The following LRMDA variants were observed in gnomAD, a reference collection of about 807,000 sequenced individuals.
LRMDA encodes the protein leucine rich melanocyte differentiation associated.
LRMDA carries 18 observed loss-of-function variants against 29.8 expected under a neutral mutation model. The observed-to-expected ratio is 0.60, with a 90% CI of 0.42 to 0.90. LRMDA has a LOEUF of 0.90. Among genes scored for constraint, LRMDA ranks in the 40% least tolerant of loss-of-function variants. LRMDA has a pLI of 0.00. For synonymous variants in LRMDA, 125 were observed against 109.4 expected, an observed-to-expected ratio of 1.14 and a Z score of -0.89; for missense variants, 273 against 273.9, an observed-to-expected ratio of 1.00 and a Z score of 0.02.
intron 5 of LRMDA, among the ~76,000 whole-genome samples, chr10:76,081,557 A>T (rs957431744): frequency 4.6e-5 from 7 of 152,218 alleles, no homozygotes; most frequent in African/African-American, 1.7e-4. Context: ...GTTTTACGTA[A>T]CATGTTTATT....
At chr10:76,105,499 C>T (rs971237136) in intron 5 of LRMDA, among the ~76,000 whole-genome samples, 2 of 152,000 alleles carry the variant, frequency 1.3e-5, no homozygotes, top group East Asian at 1.9e-4. Flanking sequence ...TGTAAGCCCT[C>T]GATTCTAGGA....
chr10:76,476,867 C>T (rs1377506812), intron 6 of LRMDA, among the ~76,000 whole-genome samples: 1 of 152,124 alleles, frequency 6.6e-6, no homozygotes, highest in Non-Finnish European at 1.5e-5. Flanking sequence ...ATGCTAAAAA[C>T]TCTCAATAAA....
At chr10:76,472,206 A>G (rs1842625137) in intron 6 of LRMDA, among the ~76,000 whole-genome samples, 1 of 151,836 alleles carries the variant, frequency 6.6e-6, no homozygotes, top group South Asian at 2.1e-4. Context: ...TAACTGGGTA[A>G]ATCATGCAGA....
chr10:75,772,869 T>TG (rs1554824987), intron 2 of LRMDA, among the ~76,000 whole-genome samples: 18,950 of 49,492 alleles, frequency 0.38, 1,776 homozygotes, highest in East Asian at 0.49. Context: ...GGGGGTGGGA[T>TG]GGGGGGGGGC....
intron 2 of LRMDA, among the ~76,000 whole-genome samples, chr10:75,737,876 A>C (rs1842784706): frequency 6.6e-6 from 1 of 152,202 alleles, no homozygotes; most frequent in Admixed American, 6.5e-5. Flanking sequence ...GTGAGTTTTT[A>C]CAGGTTTCAC....
intron 5 of LRMDA, among the ~76,000 whole-genome samples, chr10:76,240,367 C>T (rs936630395): frequency 1.3e-5 from 2 of 148,194 alleles, no homozygotes; most frequent in Admixed American, 1.3e-4. Flanking sequence ...CATTCACCAC[C>T]TTACTCCCGC....
At chr10:75,845,672 T>A (rs1031932144) in intron 2 of LRMDA, among the ~76,000 whole-genome samples, 1 of 152,216 alleles carries the variant, frequency 6.6e-6, no homozygotes, top group Non-Finnish European at 1.5e-5. Context: ...CCATCAGCTC[T>A]TCTCTTATTT....
chr10:76,388,156 A>G (rs891809261), intron 6 of LRMDA, among the ~76,000 whole-genome samples: 7 of 152,170 alleles, frequency 4.6e-5, no homozygotes, highest in African/African-American at 1.7e-4. Flanking sequence ...GTATTATTGT[A>G]TTAAGTGCTT....
chr10:75,789,546 G>C (rs1346201946), intron 2 of LRMDA, among the ~76,000 whole-genome samples: 2 of 152,250 alleles, frequency 1.3e-5, no homozygotes, highest in East Asian at 1.9e-4. Flanking sequence ...AAAAATCCCA[G>C]AGTAAACCAG....
intron 3 of LRMDA, among the ~76,000 whole-genome samples, chr10:76,045,350 C>T (rs1848418317): frequency 6.7e-6 from 1 of 148,198 alleles, no homozygotes; most frequent in African/African-American, 2.5e-5. Flanking sequence ...GTTTCCTCCT[C>T]TTGCTAGTTT....
chr10:75,869,326 G>A (rs577980230), intron 2 of LRMDA, among the ~76,000 whole-genome samples: 1 of 152,298 alleles, frequency 6.6e-6, no homozygotes. Flanking sequence ...TTACCATGCT[G>A]CACCCCATGG....
chr10:75,730,624 A>G (rs906968738), intron 2 of LRMDA, among the ~76,000 whole-genome samples: 1 of 152,106 alleles, frequency 6.6e-6, no homozygotes, highest in African/African-American at 2.4e-5. Context: ...CATTGAAGGA[A>G]ATTAAGCTGG....
chr10:76,496,043 G>T (rs1842877940), intron 6 of LRMDA, among the ~76,000 whole-genome samples: 2 of 73,318 alleles, frequency 2.7e-5, no homozygotes, highest in Non-Finnish European at 4.5e-5. Context: ...TTGTTAGTTG[G>T]GATAAAAACA....
chr10:75,488,016 A>G (rs1330292835), intron 2 of LRMDA, among the ~76,000 whole-genome samples: 3 of 152,204 alleles, frequency 2.0e-5, no homozygotes, highest in Non-Finnish European at 4.4e-5. Context: ...CTCATGTGTC[A>G]GTTGGTTTGA....
At chr10:75,476,221 T>C (rs945688709) in intron 2 of LRMDA, among the ~76,000 whole-genome samples, 3 of 152,198 alleles carry the variant, frequency 2.0e-5, no homozygotes, top group Non-Finnish European at 4.4e-5. Context: ...TCATGTAAAG[T>C]TAATTTTTTA....
In LRMDA at chr10:75,435,991, C is replaced by T. The variant is rs1044787975; in HGVS notation, c.31-2403C>T. 5.4e-5 allele frequency among the ~76,000 whole-genome samples: 8 copies of T among 147,512 alleles called. 1 individual carries two copies. Among genetic ancestry groups the T allele is most frequent in the Admixed American group, 3.4e-4 (5 of 14,640 alleles). On this transcript the variant is annotated intron_variant, in intron 1 of 6. Coordinates refer to ENST00000611255, the MANE Select transcript of LRMDA (RefSeq NM_001305581.2). The stretch of plus-strand genomic sequence containing the variant: ...TTCCAGCTATTTTAGGAGGCTGAGG[C>T]GAGGGGATTGTTTGAGTTCAGAGTT...
chr10:76,085,638 C>T (rs1033642296), intron 5 of LRMDA, among the ~76,000 whole-genome samples: 14 of 152,146 alleles, frequency 9.2e-5, no homozygotes, highest in African/African-American at 3.1e-4. Flanking sequence ...CTTGGAGAGT[C>T]GGTCTCTTTC....
At chr10:76,341,862 C>G (rs973697872) in intron 6 of LRMDA, among the ~76,000 whole-genome samples, 11 of 152,224 alleles carry the variant, frequency 7.2e-5, no homozygotes, top group African/African-American at 2.6e-4. Context: ...AAGACCCAGG[C>G]AGAAATAATA....
At chr10:76,511,128 C>G (rs1230787301) in intron 6 of LRMDA, among the ~76,000 whole-genome samples, 2 of 152,112 alleles carry the variant, frequency 1.3e-5, no homozygotes, top group Non-Finnish European at 2.9e-5. Context: ...AGAGTCAAGA[C>G]TAATGATGCC....
Sources: allele counts gnomAD v4.1 joint callset (sites outside exome capture counted in the v4.1 genomes callset), GRCh38; gene constraint gnomAD v4.1.1; transcripts MANE v1.5; gene names NCBI Gene and HGNC (gene_info 2026-07-23, HGNC 2026-07-21).